The following NTF3 variants were observed in gnomAD, a reference collection of about 807,000 sequenced individuals.
NTF3 encodes the protein neurotrophin 3.
NTF3 carries 8 observed loss-of-function variants against 26.3 expected under a neutral mutation model. That is an observed-to-expected ratio of 0.30 (90% CI 0.18 to 0.55). The LOEUF (loss-of-function observed/expected upper bound fraction) is 0.55, where lower values mean the gene tolerates loss of function less well. Ranked by LOEUF, NTF3 falls within the 20% of genes least tolerant of loss-of-function variation. NTF3 has a pLI of 0.93. For synonymous variants in NTF3, 154 were observed against 145.5 expected (o/e 1.06, Z -0.42); for missense variants, 276 against 352.9 (o/e 0.78, Z 1.75).
Position 5,449,466 on chromosome 12 carries a change from G to A in NTF3, c.18+17124G>A, listed in dbSNP as rs568218246. ...CTTGGGGTTCTACGTTTTGCAGGTT[G>A]TAGTGCTTGAGATCCAGCCTTCCCA... On this transcript the variant is annotated intron_variant, in intron 1 of 1. Coordinates refer to ENST00000423158, the MANE Select transcript of NTF3 (RefSeq NM_001102654.2). 2.7e-4 allele frequency among the ~76,000 whole-genome samples: 41 copies of A among 152,306 alleles called. No individual in the cohort carries two copies. In the South Asian group the frequency reaches 8.5e-3, roughly 32 times the overall value.
chr12:5,484,225 TC>T (rs1443758563), intron 1 of NTF3, among the ~76,000 whole-genome samples: 1 of 152,066 alleles, frequency 6.6e-6, no homozygotes, highest in African/African-American at 2.4e-5. Context: ...GCAAGTCACT[TC>T]CCCCCATAAC....
chr12:5,448,994 C>T (rs796127242), intron 1 of NTF3, among the ~76,000 whole-genome samples: 32 of 152,280 alleles, frequency 2.1e-4, no homozygotes, highest in African/African-American at 7.2e-4. Flanking sequence ...TGCACGGTTC[C>T]TCACCTCCAA....
At chr12:5,464,193 C>T (rs1940559012) in intron 1 of NTF3, among the ~76,000 whole-genome samples, 1 of 152,184 alleles carries the variant, frequency 6.6e-6, no homozygotes, top group African/African-American at 2.4e-5. Context: ...AATTTCAGCT[C>T]AGTTCAGCAA....
chr12:5,469,343 G>A (rs1940635393), intron 1 of NTF3, among the ~76,000 whole-genome samples: 2 of 152,154 alleles, frequency 1.3e-5, no homozygotes, highest in Non-Finnish European at 2.9e-5. Context: ...AGAAGGGGAG[G>A]GTTTGGAAGG....
In NTF3 at chr12:5,452,139, G is replaced by A. The variant is rs79079458; in HGVS notation, c.18+19797G>A. On this transcript the variant is annotated intron_variant, in intron 1 of 1. Coordinates refer to ENST00000423158, the MANE Select transcript of NTF3 (RefSeq NM_001102654.2). ...GTTGACGGAGTCTCACTCTCTTGCC[G>A]GGCTGGAAGGCAGTGGCGCAATCTC... Among the ~76,000 whole-genome samples the A allele has an allele frequency of 3.0e-3, 447 of 147,908 alleles. 3 individuals carry two copies. Among genetic ancestry groups the A allele is most frequent in the African/African-American group, 0.011 (420 of 39,812 alleles).
intron 1 of NTF3, among the ~76,000 whole-genome samples, chr12:5,450,620 G>C (rs1398865601): frequency 6.6e-6 from 1 of 152,168 alleles, no homozygotes; most frequent in Non-Finnish European, 1.5e-5. Flanking sequence ...ATGATTAATA[G>C]TTATTGGACT....
rs565603919 is a variant in NTF3 at position 5,495,234 on chromosome 12, C to G, written c.*246C>G. On this transcript the variant is annotated 3_prime_UTR_variant, in exon 2 of 2. Transcript: ENST00000423158. ...GGAGTCACTCTGTAAAATCTGTGTA[C>G]ACCAGTATTTTGCATTCAGTATTGT... 3.1e-4 allele frequency: 148 copies of G among 483,006 alleles called. 1 individual carries two copies. Among genetic ancestry groups the G allele is most frequent in the African/African-American group, 2.1e-3 (110 of 51,446 alleles). The allele number at this position is 483,006 out of a possible 1,614,324, so 29.9% of individuals were successfully genotyped here. A position where few individuals can be genotyped will look rare whatever the true frequency, so the allele number is the denominator to read the frequency against.
Position 5,494,860 on chromosome 12 carries a change from C to T in NTF3, c.685C>T (p.Gln229Ter). ...TATTGATGATAAACACTGGAACTCT[C>T]AGTGCAAAACATCCCAAACCTACGT... ...RGIDDKHWNS[Q>*]CKTSQTYVRA... Residue 229 changes from glutamine (Q) to a stop codon, truncating the protein, a stop_gained, in exon 2 of 2, where the codon CAG becomes TAG. Coordinates refer to ENST00000423158, the MANE Select transcript of NTF3 (RefSeq NM_001102654.2). LOFTEE classifies it high-confidence loss of function. The surrounding 1 kb of genome is among the most constrained non-coding windows in gnomAD (Gnocchi z 8.3). 6.2e-7 allele frequency: 1 copy of T among 1,614,108 alleles called. No homozygotes were observed.
intron 1 of NTF3, among the ~76,000 whole-genome samples, chr12:5,468,525 C>T (rs1449425416): frequency 6.6e-6 from 1 of 152,146 alleles, no homozygotes; most frequent in Non-Finnish European, 1.5e-5. Flanking sequence ...AGTCTTCATG[C>T]CTATGCTGTT....
At chr12:5,483,253 C>T (rs1177581249) in intron 1 of NTF3, among the ~76,000 whole-genome samples, 1 of 152,096 alleles carries the variant, frequency 6.6e-6, no homozygotes, top group Non-Finnish European at 1.5e-5. Context: ...CTTGAAGTCT[C>T]CATGAGCAGT....
Position 5,494,254 on chromosome 12 carries a change from C to T in NTF3, c.79C>T (p.Arg27Cys), listed in dbSNP as rs781173561. The T allele has an allele frequency of 9.3e-6, 15 of 1,613,984 alleles. No homozygotes were observed. Among genetic ancestry groups the T allele is most frequent in the Non-Finnish European group, 1.2e-5 (14 of 1,180,034 alleles). ...TTATGTGATATTTCTCGCTTATCTCCGTGGCATCCAAGGTAACAACATGGA... is the reference window on the plus strand; with the variant it reads ...TTATGTGATATTTCTCGCTTATCTCTGTGGCATCCAAGGTAACAACATGGA... ...LFYVIFLAYLRGIQGNNMDQR... is the reference protein window; with the variant it reads ...LFYVIFLAYLCGIQGNNMDQR... Residue 27 changes from arginine to cysteine, a missense_variant, in exon 2 of 2, where the codon CGT becomes TGT. Coordinates refer to ENST00000423158, the MANE Select transcript of NTF3 (RefSeq NM_001102654.2). This position sits in a 1 kb window ranked among gnomAD's most constrained non-coding sequence, Gnocchi z 8.3.
At chr12:5,470,327 C>A (rs1940649321) in intron 1 of NTF3, among the ~76,000 whole-genome samples, 1 of 152,200 alleles carries the variant, frequency 6.6e-6, no homozygotes. Context: ...CAGGAGTTCT[C>A]TCTCATCTCC....
rs139791890 is a variant in NTF3, at chr12:5,444,546, A to T, written c.18+12204A>T. ...AGAAGTTCCGTGGGAGGAGACCCCA[A>T]GGTGAGAGAAAGCAGGGACTTAAAG... is the stretch of plus-strand genomic sequence containing the variant. On this transcript the variant is annotated intron_variant, in intron 1 of 1. Coordinates refer to ENST00000423158, the MANE Select transcript of NTF3 (RefSeq NM_001102654.2). Among the ~76,000 whole-genome samples, 510 of 152,330 alleles carry T rather than the reference A, an allele frequency of 3.3e-3. 5 individuals carry two copies. The highest frequency in any genetic ancestry group is 5.8e-3 in the Admixed American group (89 of 15,294).
chr12:5,486,381 G>A (rs949454327), intron 1 of NTF3, among the ~76,000 whole-genome samples: 3 of 152,220 alleles, frequency 2.0e-5, no homozygotes, highest in African/African-American at 4.8e-5. Flanking sequence ...CAACCCTCTA[G>A]AGGAAGCCAA....
chr12:5,482,021 CAG>C (rs1250337912), intron 1 of NTF3, among the ~76,000 whole-genome samples: 3 of 151,994 alleles, frequency 2.0e-5, no homozygotes, highest in Admixed American at 1.3e-4. Context: ...ACACTACACA[CAG>C]ACACACTCGC....
At chr12:5,468,075 A>C (rs1940615512) in intron 1 of NTF3, among the ~76,000 whole-genome samples, 1 of 151,880 alleles carries the variant, frequency 6.6e-6, no homozygotes, top group African/African-American at 2.4e-5. Context: ...CAAATTCCCC[A>C]GGTCCTTTAA....
chr12:5,455,556 A>G (rs1289446891), intron 1 of NTF3, among the ~76,000 whole-genome samples: 1 of 140,756 alleles, frequency 7.1e-6, no homozygotes, highest in Non-Finnish European at 1.5e-5. Flanking sequence ...ACACACACAC[A>G]CACACACACA....
intron 1 of NTF3, among the ~76,000 whole-genome samples, chr12:5,449,553 T>C (rs1431121510): frequency 1.3e-5 from 2 of 152,196 alleles, no homozygotes; most frequent in Non-Finnish European, 2.9e-5. Flanking sequence ...ATCCCAGCCC[T>C]AGCAAAGAAA....
intron 1 of NTF3, among the ~76,000 whole-genome samples, chr12:5,461,064 G>A (rs1940518421): frequency 6.6e-6 from 1 of 152,122 alleles, no homozygotes; most frequent in Admixed American, 6.5e-5. Context: ...GTGCAGAGTG[G>A]GATTGGGGGG....
Sources: gnomAD v4.1 joint callset for allele counts (sites outside exome capture counted in the v4.1 genomes callset) on GRCh38, gnomAD v4.1.1 for gene constraint, Gnocchi (gnomAD v3.1) non-coding constraint, MANE v1.5 for transcripts, NCBI Gene and HGNC (gene_info 2026-07-23, HGNC 2026-07-21) for gene names.